The following CIMIP2A variants were observed in gnomAD, a reference collection of about 807,000 sequenced individuals.
CIMIP2A encodes the protein ciliary microtubule inner protein 2A.
chr9:137,252,786 G>C, the CIMIP2A span: 11 of 1,562,500 alleles, frequency 7.0e-6, no homozygotes, highest in South Asian at 9.4e-5. Context: ...CCTGGGGCTA[G>C]GGGGCTGGGC....
chr9:137,252,897 T>A, the CIMIP2A span: 1 of 1,597,388 alleles, frequency 6.3e-7, no homozygotes, highest in Non-Finnish European at 8.5e-7. Context: ...GGGAGCCGCC[T>A]GCAGAGCCCC....
chr9:137,254,782 A>T, the CIMIP2A span, among the ~76,000 whole-genome samples: 2 of 151,878 alleles, frequency 1.3e-5, no homozygotes, highest in African/African-American at 4.8e-5. Flanking sequence ...TGGGCGCCAC[A>T]GCCTCCCGGT....
the CIMIP2A span, chr9:137,245,188 G>A: frequency 6.9e-6 from 6 of 870,918 alleles, no homozygotes; most frequent in South Asian, 2.7e-5. Flanking sequence ...CGGGCGGGGG[G>A]TGGGTACTCA....
the CIMIP2A span, among the ~76,000 whole-genome samples, chr9:137,254,438 G>A: frequency 3.3e-5 from 5 of 152,368 alleles, no homozygotes; most frequent in East Asian, 9.6e-4. Context: ...AGGCACCCCT[G>A]GTGAGACCCA....
At chr9:137,253,068 G>A in the CIMIP2A span, 1 of 1,541,924 alleles carries the variant, frequency 6.5e-7, no homozygotes, top group African/African-American at 1.4e-5. Context: ...CCAGGTTTGA[G>A]TTGGGGCTGC....
At chr9:137,254,379 G>A in the CIMIP2A span, among the ~76,000 whole-genome samples, 1 of 115,408 alleles carries the variant, frequency 8.7e-6, no homozygotes. Flanking sequence ...GGCCTTGGGA[G>A]CTCGGCCCGG....
the CIMIP2A span, chr9:137,245,225 C>T: frequency 5.0e-5 from 79 of 1,578,190 alleles, no homozygotes; most frequent in Middle Eastern, 6.8e-4. Flanking sequence ...ACAGCTGGAG[C>T]GGGGAGGAAG....
chr9:137,247,704 AG>A, the CIMIP2A span: 1 of 1,613,332 alleles, frequency 6.2e-7, no homozygotes, highest in Non-Finnish European at 8.5e-7. Flanking sequence ...CGTGTTTCTG[AG>A]TAGTTGTCAT....
the CIMIP2A span, chr9:137,244,486 G>T: frequency 6.7e-7 from 1 of 1,495,782 alleles, no homozygotes; most frequent in South Asian, 1.3e-5. Flanking sequence ...AGAGGGGTTG[G>T]GGCGGCACCT....
At chr9:137,251,888 G>A in the CIMIP2A span, 149 of 1,607,408 alleles carry the variant, frequency 9.3e-5, no homozygotes, top group Non-Finnish European at 1.2e-4. Flanking sequence ...AGACCCTGAG[G>A]GAACTATGTG....
the CIMIP2A span, chr9:137,252,917 G>A: frequency 6.3e-7 from 1 of 1,599,500 alleles, no homozygotes; most frequent in Non-Finnish European, 8.5e-7. Context: ...CCGCTCGCCG[G>A]CCTTCTCGAT....
chr9:137,248,498 G>A, the CIMIP2A span, among the ~76,000 whole-genome samples: 3 of 145,254 alleles, frequency 2.1e-5, no homozygotes, highest in Admixed American at 7.2e-5. Flanking sequence ...AGCTGAGATC[G>A]TGCCACTGCA....
At chr9:137,243,786 T>G in the CIMIP2A span, 259 of 1,613,990 alleles carry the variant, frequency 1.6e-4, no homozygotes, top group Non-Finnish European at 2.1e-4. Flanking sequence ...TTGTCCTGCA[T>G]GGCTGCGGGG....
At chr9:137,250,106 C>G in the CIMIP2A span, 1 of 152,200 alleles carries the variant, frequency 6.6e-6, no homozygotes, top group Non-Finnish European at 1.5e-5. Context: ...GGAACAACCC[C>G]CCTCCCTCAA....
chr9:137,251,643 G>C, the CIMIP2A span: 1 of 1,454,370 alleles, frequency 6.9e-7, no homozygotes, highest in South Asian at 1.3e-5. Context: ...GCTGGGAGCA[G>C]CCGGGGGCTG....
chr9:137,245,474 T>C, the CIMIP2A span: 4 of 1,613,782 alleles, frequency 2.5e-6, no homozygotes, highest in Non-Finnish European at 3.4e-6. Context: ...CTGGGTATGT[T>C]CTCTACCCCT....
chr9:137,245,266 C>T, the CIMIP2A span: 47 of 1,574,528 alleles, frequency 3.0e-5, no homozygotes, highest in African/African-American at 6.1e-4. Context: ...CCACCTGGGG[C>T]TGAGCGGAAT....
chr9:137,252,693 GCCGGCCCGC>G, the CIMIP2A span: 1 of 1,550,914 alleles, frequency 6.4e-7, no homozygotes, highest in Admixed American at 2.0e-5. Context: ...CAGCTGCTCA[GCCGGCCCGC>G]CTTCCCCGCC....
At chr9:137,253,538 G>C in the CIMIP2A span, 2 of 1,381,878 alleles carry the variant, frequency 1.4e-6, no homozygotes, top group Non-Finnish European at 1.9e-6. Context: ...TAGAGATATG[G>C]CTGCCGCTGG....
Sources: gnomAD v4.1 joint callset for allele counts (sites outside exome capture counted in the v4.1 genomes callset) on GRCh38, gnomAD v4.1.1 for gene constraint, MANE v1.5 for transcripts, NCBI Gene and HGNC (gene_info 2026-07-23, HGNC 2026-07-21) for gene names.